TEX9: variants seen among roughly 807,000 people sequenced by gnomAD.
TEX9 encodes the protein testis expressed 9.
In TEX9, 74 loss-of-function variants were observed where a neutral mutation model predicts 59.6. The observed-to-expected ratio is 1.24, with a 90% CI of 1.03 to 1.51. The LOEUF (loss-of-function observed/expected upper bound fraction) is 1.51, where lower values mean the gene tolerates loss of function less well. Among genes scored for constraint, TEX9 ranks in the 40% most tolerant of loss-of-function variants. The pLI is 0.00. For missense variants in TEX9, 522 were observed against 447.8 expected (o/e 1.17, Z -1.49); for synonymous variants, 186 against 152.2 (o/e 1.22, Z -1.64).
chr15:56,429,141 T>A, intron 12 of TEX9: 1 of 1,603,786 alleles, frequency 6.2e-7, no homozygotes. Context: ...TTGATATACT[T>A]TCCTGAACTC....
intron 1 of TEX9, among the ~76,000 whole-genome samples, chr15:56,325,821 AT>A (rs1353787268): frequency 2.6e-5 from 4 of 152,160 alleles, no homozygotes; most frequent in African/African-American, 4.8e-5. Flanking sequence ...TTAAGTCAAC[AT>A]TTTTTGACCA....
At chr15:56,415,431 T>C (rs2049626617) in intron 10 of TEX9, among the ~76,000 whole-genome samples, 1 of 151,880 alleles carries the variant, frequency 6.6e-6, no homozygotes, top group South Asian at 2.1e-4. Flanking sequence ...AAGGAAAGGG[T>C]CCAGCTTCAG....
chr15:56,381,953 C>T (rs1401391758), intron 3 of TEX9, among the ~76,000 whole-genome samples: 4 of 152,200 alleles, frequency 2.6e-5, no homozygotes, highest in Non-Finnish European at 4.4e-5. Flanking sequence ...GTAGCGAGTT[C>T]CCCCAGGCCC....
At chr15:56,348,447 T>C (rs1194752446) in intron 1 of TEX9, among the ~76,000 whole-genome samples, 9 of 152,138 alleles carry the variant, frequency 5.9e-5, no homozygotes, top group Non-Finnish European at 1.2e-4. Flanking sequence ...ATGAAAAGTT[T>C]GCATAGTTTC....
At chr15:56,413,333 CA>C (rs1451507730) in intron 10 of TEX9, among the ~76,000 whole-genome samples, 2 of 99,820 alleles carry the variant, frequency 2.0e-5, no homozygotes, top group African/African-American at 3.0e-5. Flanking sequence ...ATAATTAAAA[CA>C]ATATTTAATA....
chr15:56,428,908 C>T (rs2050460535), intron 12 of TEX9: 3 of 516,898 alleles, frequency 5.8e-6, no homozygotes, highest in Non-Finnish European at 1.0e-5. Flanking sequence ...TTGAAATTAT[C>T]AGTACAAAAA....
chr15:56,437,512 C>T (rs529575820), intron 12 of TEX9, among the ~76,000 whole-genome samples: 275 of 152,238 alleles, frequency 1.8e-3, no homozygotes, highest in Admixed American at 5.8e-3. Context: ...CAATATCATA[C>T]TGAATGGGCA....
intron 7 of TEX9, 165 bp from the exon 8 acceptor site, chr15:56,394,000 C>G (rs1412340653): frequency 2.0e-6 from 1 of 493,074 alleles, no homozygotes; most frequent in Middle Eastern, 5.7e-4. Flanking sequence ...CGTCATTGAC[C>G]TTTTCATTAG....
At chr15:56,287,059 G>T (rs907787901) in intron 1 of TEX9, among the ~76,000 whole-genome samples, 1 of 152,100 alleles carries the variant, frequency 6.6e-6, no homozygotes, top group Non-Finnish European at 1.5e-5. Flanking sequence ...CATAGGACAT[G>T]GAGGATGCTC....
intron 1 of TEX9, among the ~76,000 whole-genome samples, chr15:56,250,735 A>G (rs1388340142): frequency 6.6e-6 from 1 of 152,070 alleles, no homozygotes; most frequent in Non-Finnish European, 1.5e-5. Context: ...GCTGCAACCC[A>G]CAGGTGAAAT....
intron 1 of TEX9, among the ~76,000 whole-genome samples, chr15:56,350,622 C>G (rs1203565364): frequency 6.6e-6 from 1 of 152,098 alleles, no homozygotes; most frequent in African/African-American, 2.4e-5. Flanking sequence ...TTTTATTTAG[C>G]CTAATTTAGA....
At chr15:56,456,332 A>G in the TEX9 span, 3 of 1,467,584 alleles carry the variant, frequency 2.0e-6, no homozygotes, top group Non-Finnish European at 2.7e-6. Context: ...TCAGGTGCTA[A>G]GGATTACATA....
At position 56,417,815 on chromosome 15, in the gene TEX9, C is replaced by G. The variant is rs147413716; in HGVS notation, c.963+5379C>G. 4.2e-3 allele frequency among the ~76,000 whole-genome samples: 634 copies of G among 151,890 alleles called. 1 individual carries two copies. The highest frequency in any genetic ancestry group is 6.7e-3 in the Non-Finnish European group (459 of 68,010). The stretch of plus-strand genomic sequence containing the variant: ...TCTCCCACTATTATTGTGTGAGAGT[C>G]TATGTCTCTTTGTAGGTTTCTAAGA... On this transcript the variant is annotated intron_variant, in intron 10 of 12. Transcript: ENST00000352903.
intron 1 of TEX9, among the ~76,000 whole-genome samples, chr15:56,256,075 CA>C (rs1165146502): frequency 1.1e-4 from 16 of 151,738 alleles, no homozygotes; most frequent in Non-Finnish European, 1.9e-4. Flanking sequence ...TCCTTTAATA[CA>C]AAAAAATTTA....
At chr15:56,317,501 C>G (rs77241414) in intron 1 of TEX9, among the ~76,000 whole-genome samples, 6,689 of 152,180 alleles carry the variant, frequency 0.044, 223 homozygotes, top group Admixed American at 0.087. Context: ...TTGATTTTCT[C>G]TATTGTTTTT....
chr15:56,289,377 G>A (rs74340503), intron 1 of TEX9, among the ~76,000 whole-genome samples: 2,149 of 152,212 alleles, frequency 0.014, 46 homozygotes, highest in African/African-American at 0.048. Flanking sequence ...TAGTTTTGCT[G>A]TGGAAAGATC....
chr15:56,389,395 T>C (rs1342309423), exon 6 of TEX9: 1 of 1,600,632 alleles, frequency 6.2e-7, no homozygotes, highest in Non-Finnish European at 8.6e-7. Flanking sequence ...GGAAAACAAA[T>C]TCAAGGTATA....
intron 1 of TEX9, among the ~76,000 whole-genome samples, chr15:56,310,977 A>C (rs1486592179): frequency 2.0e-5 from 3 of 151,966 alleles, no homozygotes; most frequent in African/African-American, 7.3e-5. Context: ...CCTACAGATG[A>C]CCTCAGACGA....
At chr15:56,395,767 T>C (rs1183441796) in intron 9 of TEX9, 2 of 152,246 alleles carry the variant, frequency 1.3e-5, no homozygotes, top group African/African-American at 2.4e-5. Flanking sequence ...TTTGTATATT[T>C]TCTTTGGAGA....
Sources: allele counts gnomAD v4.1 joint callset (sites outside exome capture counted in the v4.1 genomes callset), GRCh38; gene constraint gnomAD v4.1.1; transcripts MANE v1.5; gene names NCBI Gene and HGNC (gene_info 2026-07-23, HGNC 2026-07-21).